Variants in RBM26 observed in about 807,000 individuals in gnomAD.
RBM26 encodes RNA-binding protein 26.
RBM26 carries 30 observed loss-of-function variants against 123.6 expected under a neutral mutation model. That is an observed-to-expected ratio of 0.24 (90% CI 0.18 to 0.33). RBM26 has a LOEUF of 0.33. RBM26 is among the 10% of genes least tolerant of loss of function. The pLI is 1.00. For synonymous variants in RBM26, 400 were observed against 404.4 expected (o/e 0.99, Z 0.13); for missense variants, 947 against 1,203.6 (o/e 0.79, Z 3.15).
At chr13:79,373,547 T>C (rs11616759) in intron 3 of RBM26, among the ~76,000 whole-genome samples, 46,091 of 95,858 alleles carry the variant, frequency 0.48, 12,624 homozygotes, top group East Asian at 0.74. Context: ...ATAATATATT[T>C]ATATATTACT....
chr13:79,334,934 C>G (rs776683774), intron 19 of RBM26, among the ~76,000 whole-genome samples: 5 of 151,924 alleles, frequency 3.3e-5, no homozygotes, highest in Non-Finnish European at 7.4e-5. Flanking sequence ...AGTTTAACAC[C>G]CTAACTGACC....
intron 7 of RBM26, 67 bp downstream of exon 7, chr13:79,366,566 C>G (rs963072114): frequency 1.6e-5 from 23 of 1,427,928 alleles, no homozygotes; most frequent in Non-Finnish European, 2.2e-5. Context: ...ATTTAAGAAT[C>G]TATTAAGTTT....
At chr13:79,372,947 A>G in intron 3 of RBM26, among the ~76,000 whole-genome samples, 1 of 49,820 alleles carries the variant, frequency 2.0e-5, no homozygotes, top group African/African-American at 9.0e-5. Context: ...TATCTTATAT[A>G]TTACATATTT....
chr13:79,364,956 C>G (rs1190582674), intron 9 of RBM26, among the ~76,000 whole-genome samples: 1 of 151,748 alleles, frequency 6.6e-6, no homozygotes, highest in African/African-American at 2.4e-5. Context: ...TAAAGCGTTA[C>G]TCTCAAGATT....
chr13:79,366,191 T>C lies in RBM26; in HGVS notation c.1140A>G (p.Pro380=). The change falls in exon 8 of 22, where the codon CCA becomes CCG. Residue 380 remains proline (P), a synonymous_variant. Coordinates refer to ENST00000438737, the MANE Select transcript of RBM26 (RefSeq NM_001366735.2). ...GCTGCAAAGGAGGAAGTGGAGGTGG[T>C]GGTCCTGTCAAAACCAAAGAATAAG... ...LPPSLPPVTG[P]PPPLPPLQPS... is the part of the protein sequence containing the mutation. 1 of 1,611,534 alleles carries C rather than the reference T, an allele frequency of 6.2e-7. No individual in the cohort carries two copies. Among genetic ancestry groups the C allele is most frequent in the Non-Finnish European group, 8.5e-7 (1 of 1,179,178 alleles).
At chr13:79,364,009 C>T (rs1339330851) in intron 9 of RBM26, among the ~76,000 whole-genome samples, 1 of 152,032 alleles carries the variant, frequency 6.6e-6, no homozygotes, top group African/African-American at 2.4e-5. Context: ...TGTGAACTAG[C>T]CAGGTGGGAG....
chr13:79,335,930 C>T (rs2070302828), intron 19 of RBM26, among the ~76,000 whole-genome samples: 1 of 152,102 alleles, frequency 6.6e-6, no homozygotes. Context: ...TTTCCAAGCT[C>T]CTTTCTAGTT....
intron 1 of RBM26, among the ~76,000 whole-genome samples, chr13:79,382,127 A>G (rs1457703160): frequency 2.0e-5 from 3 of 152,098 alleles, no homozygotes; most frequent in East Asian, 3.8e-4. Flanking sequence ...TCTCTTTTCT[A>G]TTTGTCTTAA....
At position 79,319,485 on chromosome 13, in the gene RBM26, T is replaced by C; in HGVS notation, c.*1136A>G. ...TATTGTTGCAAACATCAAAGATTTT[T>C]ATACAAGTATAGGAAGTACACACTT... On this transcript the variant is annotated 3_prime_UTR_variant, in exon 22 of 22. Coordinates refer to ENST00000438737, the MANE Select transcript of RBM26 (RefSeq NM_001366735.2). The C allele has an allele frequency of 1.0e-6, 1 of 984,474 alleles. No individual in the cohort carries two copies. Among genetic ancestry groups the C allele is most frequent in the Non-Finnish European group, 1.2e-6 (1 of 829,240 alleles). 61.0% of individuals were successfully genotyped at this position (984,474 alleles called of 1,614,324 possible).
intron 1 of RBM26, among the ~76,000 whole-genome samples, chr13:79,397,676 A>T (rs2078696947): frequency 1.9e-5 from 1 of 53,504 alleles, no homozygotes; most frequent in African/African-American, 7.5e-5. Context: ...ACCAGACTCC[A>T]TCTCAAAAAA....
chr13:79,394,239 T>C (rs2140447412), intron 1 of RBM26, among the ~76,000 whole-genome samples: 1 of 152,332 alleles, frequency 6.6e-6, no homozygotes, highest in African/African-American at 2.4e-5. Context: ...TCCAGCCCCA[T>C]GGCTGAGTTT....
In RBM26 at chr13:79,358,268, T is replaced by C; in HGVS notation, c.1689+6A>G. The C allele has an allele frequency of 1.3e-6, 2 of 1,594,294 alleles. No homozygotes were observed. Among genetic ancestry groups the C allele is most frequent in the South Asian group, 2.3e-5 (2 of 86,580 alleles). On this transcript the variant is annotated splice_donor_region_variant and intron_variant, in intron 11 of 21. Coordinates refer to ENST00000438737, the MANE Select transcript of RBM26 (RefSeq NM_001366735.2). ...AGAGATAACAAAACCATTTCATGGCTCTTACCTGTAAGTTAACCAAGGTTC... is the reference window on the plus strand; with the variant it reads ...AGAGATAACAAAACCATTTCATGGCCCTTACCTGTAAGTTAACCAAGGTTC...
chr13:79,364,435 G>C (rs889479314), intron 9 of RBM26, among the ~76,000 whole-genome samples: 3 of 152,154 alleles, frequency 2.0e-5, no homozygotes, highest in Admixed American at 6.5e-5. Context: ...GACGAAGCAT[G>C]ATTTTTTAAT....
At chr13:79,372,790 TA>T (rs2076049946) in intron 3 of RBM26, among the ~76,000 whole-genome samples, 3 of 15,956 alleles carry the variant, frequency 1.9e-4, no homozygotes, top group Non-Finnish European at 7.7e-4. Context: ...TTATATGATA[TA>T]TATTATAATT....
At position 79,406,056 on chromosome 13, in the gene RBM26, A is replaced by G. The variant is rs763530422; in HGVS notation, c.-282T>C. 8 of 255,298 alleles carry G rather than the reference A, an allele frequency of 3.1e-5. No individual in the cohort carries two copies. The highest frequency in any genetic ancestry group is 5.5e-5 in the Admixed American group (1 of 18,218). 15.8% of individuals were successfully genotyped at this position (255,298 alleles called of 1,614,324 possible). ...CTCCCCCTTCCCTCTTCCCCAGCAA[A>G]TCTACCCAGACCGGAAGCGCGACAC... On this transcript the variant is annotated 5_prime_UTR_variant, in exon 1 of 22. Transcript: ENST00000438737.
At chr13:79,343,693 CAATT>C (rs988950450) in intron 16 of RBM26, among the ~76,000 whole-genome samples, 9 of 151,856 alleles carry the variant, frequency 5.9e-5, no homozygotes, top group African/African-American at 1.9e-4. Flanking sequence ...GAAACAAATA[CAATT>C]AATTTAATAA....
intron 1 of RBM26, among the ~76,000 whole-genome samples, chr13:79,386,823 A>T (rs2140330936): frequency 6.6e-6 from 1 of 152,290 alleles, no homozygotes; most frequent in South Asian, 2.1e-4. Context: ...AGCAGAGGCT[A>T]GTGAACATTT....
intron 20 of RBM26, 66 bp downstream of exon 20, chr13:79,334,278 T>G: frequency 1.1e-6 from 1 of 907,598 alleles, no homozygotes; most frequent in Non-Finnish European, 1.7e-6. Context: ...TCATTTATAT[T>G]AAAACTTAAA....
At chr13:79,399,969 T>G (rs1186539235) in intron 1 of RBM26, among the ~76,000 whole-genome samples, 1 of 152,122 alleles carries the variant, frequency 6.6e-6, no homozygotes, top group Non-Finnish European at 1.5e-5. Context: ...AGCTTAAGAC[T>G]GTGAAGAGTG....
Sources: allele counts gnomAD v4.1 joint callset (sites outside exome capture counted in the v4.1 genomes callset), GRCh38; gene constraint gnomAD v4.1.1; transcripts MANE v1.5; gene names NCBI Gene and HGNC (gene_info 2026-07-23, HGNC 2026-07-21).